Variants in ADAMTS19 observed in about 807,000 individuals in gnomAD.
The protein encoded by ADAMTS19 is ADAM metallopeptidase with thrombospondin type 1 motif 19, also known as A disintegrin and metalloproteinase with thrombospondin motifs 19.
ADAMTS19 carries 93 observed loss-of-function variants against 153.3 expected under a neutral mutation model. That is an observed-to-expected ratio of 0.61 (90% confidence interval 0.51 to 0.72). The LOEUF (loss-of-function observed/expected upper bound fraction) is 0.72. ADAMTS19 is among the 30% of genes least tolerant of loss of function. The probability of loss-of-function intolerance (pLI) is 0.00; values close to 1 mark genes in which losing one functional copy is unlikely to be tolerated. For missense variants in ADAMTS19, 1,482 were observed against 1,552.1 expected (o/e 0.95, Z 0.76); for synonymous variants, 600 against 556.6 (o/e 1.08, Z -1.10).
intron 10 of ADAMTS19, among the ~76,000 whole-genome samples, chr5:129,628,876 G>A (rs1358794438): frequency 1.3e-5 from 2 of 152,126 alleles, no homozygotes; most frequent in South Asian, 2.1e-4. Context: ...TGTGTAGTAC[G>A]CTATATCATT....
chr5:129,509,283 A>AAACTCTTTTAAGTAG, intron 3 of ADAMTS19, 41 bp downstream of exon 3: 1 of 1,559,524 alleles, frequency 6.4e-7, no homozygotes, highest in Non-Finnish European at 8.7e-7. Context: ...TAAATATTCA[A>AAACTCTTTTAAGTAG]TGTGAGATGA....
In ADAMTS19 at chr5:129,679,939, G is replaced by T; in HGVS notation, c.2664+18G>T. The T allele has an allele frequency of 6.2e-7, 1 of 1,602,498 alleles. No individual in the cohort carries two copies. The highest frequency in any genetic ancestry group is 1.1e-5 in the South Asian group (1 of 89,004). ...ATCTTCTGGTATGAGGGAATGAATT[G>T]ATAACATGGCATAATCAACTTCTCA... On this transcript the variant is annotated intron_variant, in intron 17 of 22. Transcript: ENST00000274487.
At chr5:129,712,093 T>G (rs898465368) in intron 21 of ADAMTS19, among the ~76,000 whole-genome samples, 1 of 152,166 alleles carries the variant, frequency 6.6e-6, no homozygotes, top group Non-Finnish European at 1.5e-5. Context: ...TAGGTTAGCA[T>G]TTTATTCAAA....
intron 8 of ADAMTS19, among the ~76,000 whole-genome samples, chr5:129,600,695 C>G (rs1430772880): frequency 6.6e-6 from 1 of 151,944 alleles, no homozygotes; most frequent in Admixed American, 6.6e-5. Flanking sequence ...ACAATGTCAG[C>G]AAAAATGTAT....
intron 3 of ADAMTS19, among the ~76,000 whole-genome samples, chr5:129,512,134 T>A (rs760124545): frequency 1.1e-4 from 16 of 152,010 alleles, no homozygotes; most frequent in Non-Finnish European, 2.1e-4. Flanking sequence ...TATTAACATT[T>A]TAGTATAAAC....
chr5:129,596,678 A>C lies in ADAMTS19; in HGVS notation c.1478+14A>C, dbSNP rs778074629. The C allele has an allele frequency of 3.2e-6, 5 of 1,549,724 alleles. No individual in the cohort carries two copies. In the South Asian group the frequency reaches 4.6e-5, roughly 14 times the overall value. ...AATGGGTCACAAGTAAGTAAAAATC[A>C]TGGCTATGTTAAATATGTTAGCATA... On this transcript the variant is annotated intron_variant, in intron 8 of 22. Coordinates refer to ENST00000274487, the MANE Select transcript of ADAMTS19 (RefSeq NM_133638.6).
chr5:129,569,028 GA>G (rs1753807743), intron 7 of ADAMTS19, among the ~76,000 whole-genome samples: 1 of 151,854 alleles, frequency 6.6e-6, no homozygotes, highest in African/African-American at 2.4e-5. Flanking sequence ...GAGTTCTTCA[GA>G]ACTGATTAAC....
intron 3 of ADAMTS19, among the ~76,000 whole-genome samples, chr5:129,520,010 T>C (rs899113035): frequency 6.6e-6 from 1 of 152,208 alleles, no homozygotes; most frequent in African/African-American, 2.4e-5. Flanking sequence ...CTGGATCCCA[T>C]CCAGATGCAC....
intron 8 of ADAMTS19, 152 bp downstream of exon 8, chr5:129,596,816 A>G (rs1298858331): frequency 1.5e-5 from 8 of 539,314 alleles, no homozygotes; most frequent in Non-Finnish European, 2.6e-5. Flanking sequence ...GACTACATTT[A>G]AAGAATGTCT....
rs1003325664 is a variant in ADAMTS19, at chr5:129,736,964, A to G, written c.3491-103A>G. 5.2e-6 allele frequency: 6 copies of G among 1,163,052 alleles called. No individual in the cohort carries two copies. The African/African-American group carries it at 9.4e-5, about 18-fold the overall frequency. The allele number at this position is 1,163,052 out of a possible 1,614,324, so 72.0% of individuals were successfully genotyped here. A position where few individuals can be genotyped will look rare whatever the true frequency, so the allele number is the denominator to read the frequency against. On this transcript the variant is annotated intron_variant, in intron 22 of 22. Transcript: ENST00000274487. ...TTCCAGAAGGTAATATAAATGAACC[A>G]AAGAGAGTGTACAAAATCCGCCCCA...
In ADAMTS19 at chr5:129,622,268, C is replaced by G. The variant is rs571424490; in HGVS notation, c.1690C>G (p.Leu564Val). The G allele has an allele frequency of 1.2e-5, 20 of 1,614,028 alleles. No homozygotes were observed. The highest frequency in any genetic ancestry group is 1.7e-5 in the Non-Finnish European group (20 of 1,180,024). Residue 564 changes from leucine (L) to valine (V), a missense_variant, in exon 10 of 23, where the codon CTG becomes GTG. By Grantham distance (32) the Leu-to-Val change is conservative. Coordinates refer to ENST00000274487, the MANE Select transcript of ADAMTS19 (RefSeq NM_133638.6). The stretch of plus-strand genomic sequence containing the variant: ...CAATTCTGTGATGGTTCCCTCCAAG[C>G]TGCCAGGGATGACATACACTGCTGA... Reference protein sequence around the residue: ...SVNSVMVPSKLPGMTYTADEQ... With the variant: ...SVNSVMVPSKVPGMTYTADEQ...
intron 7 of ADAMTS19, among the ~76,000 whole-genome samples, chr5:129,583,382 T>C (rs1015662347): frequency 2.0e-5 from 3 of 152,154 alleles, no homozygotes; most frequent in African/African-American, 7.2e-5. Flanking sequence ...CTGACGATTA[T>C]GTGTCTTGGG....
intron 2 of ADAMTS19, among the ~76,000 whole-genome samples, chr5:129,498,028 A>T (rs1292820333): frequency 6.6e-6 from 1 of 152,072 alleles, no homozygotes; most frequent in Non-Finnish European, 1.5e-5. Context: ...AGAGCTCTAC[A>T]TGAATCATGT....
intron 18 of ADAMTS19, among the ~76,000 whole-genome samples, chr5:129,691,565 T>C (rs1311483779): frequency 1.3e-5 from 2 of 152,192 alleles, no homozygotes; most frequent in Non-Finnish European, 2.9e-5. Context: ...TTTAAGATCT[T>C]AGTTGTATTT....
intron 7 of ADAMTS19, among the ~76,000 whole-genome samples, chr5:129,595,166 G>A (rs1467284659): frequency 6.6e-6 from 1 of 152,050 alleles, no homozygotes; most frequent in Non-Finnish European, 1.5e-5. Flanking sequence ...TGGATACCAG[G>A]CCTTGACATT....
intron 10 of ADAMTS19, among the ~76,000 whole-genome samples, chr5:129,639,319 T>C (rs889584525): frequency 1.3e-5 from 2 of 152,200 alleles, no homozygotes; most frequent in Non-Finnish European, 2.9e-5. Context: ...AGGTGAAAAC[T>C]ATCCATACTA....
chr5:129,537,702 C>T (rs944368697), intron 6 of ADAMTS19, among the ~76,000 whole-genome samples: 1 of 151,738 alleles, frequency 6.6e-6, no homozygotes, highest in African/African-American at 2.4e-5. Flanking sequence ...CGCATGTTCT[C>T]ACTCATAGGT....
intron 14 of ADAMTS19, among the ~76,000 whole-genome samples, chr5:129,656,167 G>C (rs552601072): frequency 3.3e-5 from 5 of 152,036 alleles, no homozygotes; most frequent in Admixed American, 6.6e-5. Context: ...TAAAATTATA[G>C]CAACAACAAC....
At chr5:129,652,440 A>G (rs1753357357) in intron 13 of ADAMTS19, among the ~76,000 whole-genome samples, 1 of 152,198 alleles carries the variant, frequency 6.6e-6, no homozygotes, top group Non-Finnish European at 1.5e-5. Flanking sequence ...TGGCTTCAAC[A>G]TTCAGGTATT....
Sources: gnomAD v4.1 joint callset for allele counts (sites outside exome capture counted in the v4.1 genomes callset) on GRCh38, gnomAD v4.1.1 for gene constraint, MANE v1.5 for transcripts, NCBI Gene and HGNC (gene_info 2026-07-23, HGNC 2026-07-21) for gene names.